The following STARD13 variants were observed in gnomAD, a reference collection of about 807,000 sequenced individuals.
STARD13 encodes StAR related lipid transfer domain containing 13.
A neutral mutation model predicts 106.4 loss-of-function variants in STARD13; 62 were observed. The ratio of observed to expected loss-of-function variants is 0.58; its 90% CI spans 0.48 to 0.72. The LOEUF (loss-of-function observed/expected upper bound fraction) is 0.72. Ranked by LOEUF, STARD13 falls within the 30% of genes least tolerant of loss-of-function variation. The probability of loss-of-function intolerance (pLI) is 0.00; values close to 1 mark genes in which losing one functional copy is unlikely to be tolerated. For synonymous variants in STARD13, 565 were observed against 553.0 expected (o/e 1.02, Z -0.31); for missense variants, 1,387 against 1,424.0 (o/e 0.97, Z 0.42).
At position 33,104,802 on chromosome 13, in the gene STARD13, C is replaced by T. The variant is rs1050359937; in HGVS notation, c.*791G>A. ...TCTGTTTCAGTCACTCTCGCTGACTCCGGTGGTCCATATCTCACTGAAATT... is the reference window on the plus strand; with the variant it reads ...TCTGTTTCAGTCACTCTCGCTGACTTCGGTGGTCCATATCTCACTGAAATT... On this transcript the variant is annotated 3_prime_UTR_variant, in exon 14 of 14. Transcript: ENST00000336934. The T allele has an allele frequency of 6.5e-6, 1 of 153,564 alleles. No individual in the cohort carries two copies. The highest frequency in any genetic ancestry group is 2.4e-5 in the African/African-American group (1 of 41,418). 9.5% of individuals were successfully genotyped at this position (153,564 alleles called of 1,614,324 possible). A position where few individuals can be genotyped will look rare whatever the true frequency, so the allele number is the denominator to read the frequency against.
chr13:33,464,624 C>A, the STARD13 span, among the ~76,000 whole-genome samples: 1 of 152,076 alleles, frequency 6.6e-6, no homozygotes, highest in Non-Finnish European at 1.5e-5. Context: ...CCGAGGGGGG[C>A]AGATCACTTG....
In STARD13 at chr13:33,121,669, C is replaced by CTTTTT. The variant is rs398022242; in HGVS notation, c.2083-3411_2083-3407dup. Among the ~76,000 whole-genome samples, 990 of 110,416 alleles carry CTTTTT rather than the reference C, an allele frequency of 9.0e-3. 26 individuals carry two copies. The highest frequency in any genetic ancestry group is 0.016 in the African/African-American group (457 of 28,166). 72.4% of individuals were successfully genotyped at this position (110,416 alleles called of 152,430 possible). A position where few individuals can be genotyped will look rare whatever the true frequency, so the allele number is the denominator to read the frequency against. On this transcript the variant is annotated intron_variant, in intron 7 of 13. Coordinates refer to ENST00000336934, the MANE Select transcript of STARD13 (RefSeq NM_178006.4). ...ATGGAGAAGAAACCTGTTGTTCATC[C>CTTTTT]TTTTTTTTTTTTTTTTTTGAGACAG...
intron 1 of STARD13, among the ~76,000 whole-genome samples, chr13:33,195,524 T>C (rs1019463071): frequency 2.0e-4 from 31 of 152,318 alleles, no homozygotes; most frequent in African/African-American, 7.5e-4. Flanking sequence ...CAAATATTTT[T>C]CTATGTGAAG....
chr13:33,595,140 T>G, the STARD13 span, among the ~76,000 whole-genome samples: 1 of 152,252 alleles, frequency 6.6e-6, no homozygotes, highest in East Asian at 1.9e-4. Context: ...CCATTTCCAC[T>G]TCTTCACATA....
chr13:33,480,067 G>T, the STARD13 span, among the ~76,000 whole-genome samples: 6 of 152,200 alleles, frequency 3.9e-5, no homozygotes, highest in Admixed American at 3.9e-4. Flanking sequence ...TCAAGAGAGG[G>T]AGAAGGAATG....
At chr13:33,161,669 A>T (rs1882641901) in intron 3 of STARD13, among the ~76,000 whole-genome samples, 1 of 152,164 alleles carries the variant, frequency 6.6e-6, no homozygotes, top group Non-Finnish European at 1.5e-5. Context: ...CATTTGTCAA[A>T]GCTCAAAGAC....
chr13:33,494,366 G>T, the STARD13 span, among the ~76,000 whole-genome samples: 1 of 151,920 alleles, frequency 6.6e-6, no homozygotes, highest in Non-Finnish European at 1.5e-5. Flanking sequence ...TTCCAGGAGA[G>T]CCGTGATTTT....
At chr13:33,391,846 A>T in the STARD13 span, among the ~76,000 whole-genome samples, 1 of 152,030 alleles carries the variant, frequency 6.6e-6, no homozygotes, top group Non-Finnish European at 1.5e-5. Context: ...TGCCACATGG[A>T]AGAGGCCTCT....
chr13:33,311,147 A>G (rs1893122139), intron 1 of STARD13, among the ~76,000 whole-genome samples: 1 of 149,598 alleles, frequency 6.7e-6, no homozygotes, highest in Admixed American at 6.6e-5. Flanking sequence ...AAAAAAAAAA[A>G]ATAGTTGGGT....
the STARD13 span, among the ~76,000 whole-genome samples, chr13:33,396,499 C>T: frequency 6.6e-6 from 1 of 152,186 alleles, no homozygotes; most frequent in Non-Finnish European, 1.5e-5. Flanking sequence ...CGAATGGCAC[C>T]TTTAAACTTC....
intron 1 of STARD13, among the ~76,000 whole-genome samples, chr13:33,208,449 G>C (rs1887537444): frequency 6.6e-6 from 1 of 152,088 alleles, no homozygotes; most frequent in Non-Finnish European, 1.5e-5. Context: ...GGGAACACGT[G>C]GGGGAAATCA....
chr13:33,552,468 C>T, the STARD13 span, among the ~76,000 whole-genome samples: 1 of 152,122 alleles, frequency 6.6e-6, no homozygotes, highest in Non-Finnish European at 1.5e-5. Flanking sequence ...AATGAGAAAC[C>T]ACCAACAGAA....
chr13:33,283,928 CT>C (rs1168343567), intron 1 of STARD13, among the ~76,000 whole-genome samples: 2 of 152,124 alleles, frequency 1.3e-5, no homozygotes, highest in African/African-American at 2.4e-5. Context: ...GCAATTTCAG[CT>C]AGTTCTCTGC....
At chr13:33,371,306 C>G in the STARD13 span, among the ~76,000 whole-genome samples, 1 of 152,108 alleles carries the variant, frequency 6.6e-6, no homozygotes, top group Non-Finnish European at 1.5e-5. Flanking sequence ...AAAGTGGACC[C>G]TCTTTGGGTC....
chr13:33,609,105 A>AAAAAAAAAAAAAAAAG, the STARD13 span, among the ~76,000 whole-genome samples: 272 of 133,128 alleles, frequency 2.0e-3, 16 homozygotes, highest in African/African-American at 4.2e-3. Context: ...AAAAAAAAAA[A>AAAAAAAAAAAAAAAAG]AAATATTGAT....
chr13:33,124,969 T>G (rs630243), intron 7 of STARD13, among the ~76,000 whole-genome samples: 8 of 152,034 alleles, frequency 5.3e-5, no homozygotes, highest in Admixed American at 5.2e-4. Flanking sequence ...AAAAATGTTA[T>G]GTGCAGATTC....
chr13:33,600,062 T>A, the STARD13 span, among the ~76,000 whole-genome samples: 1 of 152,212 alleles, frequency 6.6e-6, no homozygotes, highest in South Asian at 2.1e-4. Flanking sequence ...TGCCACCTGA[T>A]GGGATGCAAT....
chr13:33,308,136 T>C (rs1380654744), intron 1 of STARD13, among the ~76,000 whole-genome samples: 2 of 152,246 alleles, frequency 1.3e-5, no homozygotes, highest in Non-Finnish European at 2.9e-5. Flanking sequence ...TGGTAGTTTC[T>C]GGAAAAAGAA....
intron 1 of STARD13, among the ~76,000 whole-genome samples, chr13:33,178,259 A>C (rs2138434746): frequency 6.6e-6 from 1 of 152,304 alleles, no homozygotes; most frequent in South Asian, 2.1e-4. Context: ...TCCTTCTCAA[A>C]CATTCTAGGT....
Sources: allele counts gnomAD v4.1 joint callset (sites outside exome capture counted in the v4.1 genomes callset), GRCh38; gene constraint gnomAD v4.1.1; transcripts MANE v1.5; gene names NCBI Gene and HGNC (gene_info 2026-07-23, HGNC 2026-07-21).